The following AFF2 variants were observed in gnomAD, a reference collection of about 807,000 sequenced individuals.
AFF2 encodes ALF transcription elongation factor 2, also known as AF4/FMR2 family member 2.
AFF2 carries 14 observed loss-of-function variants against 76.9 expected under a neutral mutation model. The observed-to-expected ratio is 0.18, with a 90% CI of 0.12 to 0.28. The LOEUF (loss-of-function observed/expected upper bound fraction) is 0.28, where lower values mean the gene tolerates loss of function less well. AFF2 is among the 10% of genes least tolerant of loss of function. The probability of loss-of-function intolerance (pLI) is 1.00; values close to 1 mark genes in which losing one functional copy is unlikely to be tolerated. For synonymous variants in AFF2, 398 were observed against 366.7 expected, an observed-to-expected ratio of 1.09 and a Z score of -0.98; for missense variants, 868 against 1,001.1, an observed-to-expected ratio of 0.87 and a Z score of 1.79.
chrX:148,867,808 CT>C (rs1468998943), intron 7 of AFF2, among the ~76,000 whole-genome samples: 2 of 111,633 alleles, frequency 1.8e-5, no homozygotes, highest in Non-Finnish European at 3.8e-5. Context: ...CTTCTATTCA[CT>C]TCTCAAGATT....
chrX:148,908,483 G>A (rs1020703925), intron 9 of AFF2, among the ~76,000 whole-genome samples: 5 of 112,092 alleles, frequency 4.5e-5, no homozygotes, highest in Admixed American at 9.5e-5. Flanking sequence ...CTGACTTCCC[G>A]CAACACAGTC....
intron 1 of AFF2, among the ~76,000 whole-genome samples, chrX:148,593,442 C>T (rs138052879): frequency 3.6e-3 from 405 of 111,992 alleles, no homozygotes; most frequent in Non-Finnish European, 4.9e-3. Context: ...CCAGAATCCA[C>T]ACCTGAACAG....
intron 3 of AFF2, among the ~76,000 whole-genome samples, chrX:148,674,125 G>A (rs1358311305): frequency 5.4e-5 from 6 of 112,068 alleles, no homozygotes; most frequent in African/African-American, 1.9e-4. Flanking sequence ...ATAAATGAAT[G>A]GATATGGGTG....
Position 148,977,980 on chromosome X carries a change from G to A in AFF2, c.3452G>A (p.Gly1151Glu). 2 of 1,204,317 alleles carry A rather than the reference G, an allele frequency of 1.7e-6. No homozygotes were observed. Among genetic ancestry groups the A allele is most frequent in the Non-Finnish European group, 2.3e-6 (2 of 888,795 alleles). The change falls in exon 17 of 21, where the codon GGG becomes GAG. Residue 1151 changes from glycine (G) to glutamate (E), a missense_variant. Gly to Glu is a moderately conservative substitution (Grantham distance 98). Around this residue, in one of 6 missense-constraint regions of AFF2, gnomAD observed 57 missense variants for 117.8 expected, o/e 0.48. Coordinates refer to ENST00000370460, the MANE Select transcript of AFF2 (RefSeq NM_002025.4). ...TTTGCAAGTCCCTTGGCTTCGGATG[G>A]GGACAAAAAGCTAGCAGTACTATGG... ...KNFASPLASD[G>E]DKKLAVLCYR... is the part of the protein sequence containing the mutation.
chrX:148,614,750 CTTTCTT>C (rs1569552177), intron 1 of AFF2, among the ~76,000 whole-genome samples: 9 of 51,308 alleles, frequency 1.8e-4, no homozygotes, highest in Non-Finnish European at 2.7e-4. Context: ...TTCTTTCTTT[CTTTCTT>C]TCTTTCTTTC....
At position 148,992,092 on chromosome X, in the gene AFF2, C is replaced by A. The variant is rs995267993; in HGVS notation, c.*760C>A. On this transcript the variant is annotated 3_prime_UTR_variant, in exon 21 of 21. Coordinates refer to ENST00000370460, the MANE Select transcript of AFF2 (RefSeq NM_002025.4). ...CAACTCCATTATTTGAAGTGTAAAT[C>A]CTCACCTGGGGTTCTCTGTGTGCAA... is the stretch of plus-strand genomic sequence containing the variant. The A allele has an allele frequency of 4.5e-5, 5 of 111,758 alleles. No individual in the cohort carries two copies. The highest frequency in any genetic ancestry group is 1.6e-4 in the African/African-American group (5 of 30,723). The allele number at this position is 111,758 out of a possible 1,213,427, so 9.2% of individuals were successfully genotyped here. A position where few individuals can be genotyped will look rare whatever the true frequency, so the allele number is the denominator to read the frequency against.
chrX:148,506,580 TTA>T (rs1287517579), intron 1 of AFF2, among the ~76,000 whole-genome samples: 18 of 107,829 alleles, frequency 1.7e-4, no homozygotes, highest in Non-Finnish European at 2.5e-4. Flanking sequence ...GAATGGAAAA[TTA>T]TATATATATA....
intron 9 of AFF2, among the ~76,000 whole-genome samples, chrX:148,919,912 A>G (rs1226060315): frequency 1.8e-5 from 2 of 112,490 alleles, no homozygotes; most frequent in Non-Finnish European, 3.8e-5. Flanking sequence ...CTTGGACACA[A>G]TCATGCTCAG....
At chrX:148,847,707 A>G (rs2070683753) in intron 7 of AFF2, among the ~76,000 whole-genome samples, 1 of 111,721 alleles carries the variant, frequency 9.0e-6, no homozygotes, top group South Asian at 3.8e-4. Flanking sequence ...GACATCCTTG[A>G]TTGTAGCAAT....
At chrX:148,614,738 T>TTTCCTTTTCTTTC (rs1158870444) in intron 1 of AFF2, among the ~76,000 whole-genome samples, 1 of 55,286 alleles carries the variant, frequency 1.8e-5, no homozygotes, top group East Asian at 5.2e-4. Flanking sequence ...TCTTTCCTTC[T>TTTCCTTTTCTTTC]TTTCTTTCTT....
At chrX:148,921,182 A>G (rs1272295970) in intron 9 of AFF2, among the ~76,000 whole-genome samples, 3 of 106,691 alleles carry the variant, frequency 2.8e-5, no homozygotes, top group African/African-American at 7.8e-5. Flanking sequence ...AGTAATGTCT[A>G]TTCCTCTCTT....
chrX:148,772,508 T>G (rs944594873), intron 3 of AFF2, among the ~76,000 whole-genome samples: 111 of 99,711 alleles, frequency 1.1e-3, no homozygotes, highest in African/African-American at 3.9e-3. Flanking sequence ...TTCAAAGTTG[T>G]TTTTTTTTCT....
chrX:148,633,370 T>G (rs1366119390), intron 1 of AFF2, among the ~76,000 whole-genome samples: 3 of 111,915 alleles, frequency 2.7e-5, no homozygotes, highest in Non-Finnish European at 5.6e-5. Flanking sequence ...CATGACTACA[T>G]GCAGCCTCTT....
At chrX:148,568,040 A>G (rs966182769) in intron 1 of AFF2, among the ~76,000 whole-genome samples, 1 of 110,671 alleles carries the variant, frequency 9.0e-6, no homozygotes, top group Non-Finnish European at 1.9e-5. Flanking sequence ...GGAGTTGGGG[A>G]CATCTTGCTG....
chrX:148,746,793 C>T (rs782331880), intron 3 of AFF2, among the ~76,000 whole-genome samples: 5 of 112,692 alleles, frequency 4.4e-5, no homozygotes, highest in African/African-American at 1.6e-4. Flanking sequence ...CAAGTTTTCT[C>T]TAGTCAATTC....
At chrX:148,786,761 C>T (rs2069826487) in intron 3 of AFF2, among the ~76,000 whole-genome samples, 1 of 111,690 alleles carries the variant, frequency 9.0e-6, no homozygotes, top group South Asian at 3.8e-4. Context: ...TGAACCCAAA[C>T]AATCACCATC....
At chrX:148,539,791 A>G (rs1477767912) in intron 1 of AFF2, among the ~76,000 whole-genome samples, 3 of 111,265 alleles carry the variant, frequency 2.7e-5, no homozygotes, top group African/African-American at 9.8e-5. Context: ...ATTGAAATCT[A>G]GATTTAGTAA....
chrX:148,655,817 A>C (rs1331223724), intron 2 of AFF2, among the ~76,000 whole-genome samples: 1 of 111,186 alleles, frequency 9.0e-6, no homozygotes, highest in African/African-American at 3.3e-5. Flanking sequence ...TGGACATGCC[A>C]GTGGTCATGG....
At chrX:148,646,269 C>T (rs1323953076) in intron 1 of AFF2, among the ~76,000 whole-genome samples, 2 of 111,780 alleles carry the variant, frequency 1.8e-5, no homozygotes, top group Admixed American at 1.9e-4. Flanking sequence ...CTGAATTGTA[C>T]ACTTTAAATG....
Sources: allele counts gnomAD v4.1 joint callset (sites outside exome capture counted in the v4.1 genomes callset), GRCh38; gene constraint gnomAD v4.1.1; regional missense constraint gnomAD v4.1.1; transcripts MANE v1.5; gene names NCBI Gene and HGNC (gene_info 2026-07-23, HGNC 2026-07-21).